KCND2: variants seen among roughly 807,000 people sequenced by gnomAD.
The protein encoded by KCND2 is A-type voltage-gated potassium channel KCND2.
KCND2 carries 16 observed loss-of-function variants against 54.4 expected under a neutral mutation model. That is an observed-to-expected ratio of 0.29 (90% CI 0.20 to 0.45). KCND2 has a LOEUF of 0.45. KCND2 is among the 20% of genes least tolerant of loss of function. The probability of loss-of-function intolerance (pLI) is 1.00; values close to 1 mark genes in which losing one functional copy is unlikely to be tolerated. For missense variants in KCND2, 486 were observed against 824.2 expected, an observed-to-expected ratio of 0.59 and a Z score of 5.02; for synonymous variants, 317 against 310.7, an observed-to-expected ratio of 1.02 and a Z score of -0.21.
rs900726562 is a variant in KCND2, at chr7:120,519,718, T to A, written c.1116-213185T>A. ...TCCCCAATTCTCTTTCATATGAAAG[T>A]GTTATTTCATTAATATAGCCACCAT... On this transcript the variant is annotated intron_variant, in intron 1 of 5. Transcript: ENST00000331113. Among the ~76,000 whole-genome samples the A allele has an allele frequency of 3.3e-5, 5 of 152,290 alleles. No homozygotes were observed. The East Asian group carries it at 9.7e-4, about 29-fold the overall frequency.
intron 1 of KCND2, among the ~76,000 whole-genome samples, chr7:120,584,407 C>T (rs1792564317): frequency 6.6e-6 from 1 of 152,174 alleles, no homozygotes; most frequent in Non-Finnish European, 1.5e-5. Context: ...TCTTAGGTGA[C>T]TCATGTTGTA....
At chr7:120,429,361 G>C (rs1801759235) in intron 1 of KCND2, among the ~76,000 whole-genome samples, 1 of 152,154 alleles carries the variant, frequency 6.6e-6, no homozygotes, top group African/African-American at 2.4e-5. Flanking sequence ...CAATGCCCTT[G>C]ATAAAGAAGT....
chr7:120,448,626 G>A (rs896369426), intron 1 of KCND2, among the ~76,000 whole-genome samples: 11 of 151,524 alleles, frequency 7.3e-5, no homozygotes, highest in Non-Finnish European at 1.0e-4. Flanking sequence ...AAAAAAAAAA[G>A]AGAATTTTAG....
chr7:120,604,253 G>A (rs937269590), intron 1 of KCND2, among the ~76,000 whole-genome samples: 4 of 150,580 alleles, frequency 2.7e-5, no homozygotes, highest in African/African-American at 9.8e-5. Flanking sequence ...TGTAATCCTA[G>A]CACTTTGGGA....
chr7:120,666,495 A>G (rs757139849), intron 1 of KCND2, among the ~76,000 whole-genome samples: 2 of 151,968 alleles, frequency 1.3e-5, no homozygotes, highest in East Asian at 1.9e-4. Flanking sequence ...AATGTAAATG[A>G]TACTTTAGGC....
chr7:120,732,429 GA>G (rs1467594980), intron 1 of KCND2, among the ~76,000 whole-genome samples: 3 of 152,148 alleles, frequency 2.0e-5, no homozygotes, highest in Non-Finnish European at 4.4e-5. Context: ...TGGGGACCTT[GA>G]AAAGTTTATT....
chr7:120,748,066 AT>A lies in KCND2; in HGVS notation c.*210del. On this transcript the variant is annotated 3_prime_UTR_variant, in exon 6 of 6. Transcript: ENST00000331113. ...AGTTTGACCTGTTATACAGAGTAAT[AT>A]TCTGTGGCCCTTTGACTTTGTGAAT... is the stretch of plus-strand genomic sequence containing the variant. 1 of 490,144 alleles carries A rather than the reference AT, an allele frequency of 2.0e-6. No homozygotes were observed. The highest frequency in any genetic ancestry group is 3.7e-6 in the Non-Finnish European group (1 of 273,576). The allele number at this position is 490,144 out of a possible 1,614,324, so 30.4% of individuals were successfully genotyped here.
At chr7:120,434,105 C>T (rs1361858833) in intron 1 of KCND2, among the ~76,000 whole-genome samples, 3 of 152,094 alleles carry the variant, frequency 2.0e-5, no homozygotes, top group African/African-American at 7.2e-5. Context: ...CTCAATGAGC[C>T]AAATCCAAAC....
intron 1 of KCND2, among the ~76,000 whole-genome samples, chr7:120,658,886 T>C (rs757365308): frequency 6.6e-6 from 1 of 152,212 alleles, no homozygotes; most frequent in Non-Finnish European, 1.5e-5. Flanking sequence ...CACTGTGGGA[T>C]TGGTCTATAC....
chr7:120,306,451 A>T (rs1292722566), intron 1 of KCND2, among the ~76,000 whole-genome samples: 2 of 152,092 alleles, frequency 1.3e-5, no homozygotes, highest in African/African-American at 4.8e-5. Context: ...AAAATAGACA[A>T]AACAGCAAAG....
At chr7:120,523,046 G>C (rs574065587) in intron 1 of KCND2, among the ~76,000 whole-genome samples, 1 of 152,258 alleles carries the variant, frequency 6.6e-6, no homozygotes, top group Non-Finnish European at 1.5e-5. Context: ...GAACGATACA[G>C]ATGAGGTGGG....
Position 120,570,415 on chromosome 7 carries a change from T to TTA in KCND2, c.1116-162487_1116-162486dup, listed in dbSNP as rs1305093646. ...TTTTACCTCCTACATCTATAAAAAG[T>TTA]TAAAAAAAAAAAAAACAGCTTGTGA... On this transcript the variant is annotated intron_variant, in intron 1 of 5. Transcript: ENST00000331113. 1.8e-4 allele frequency among the ~76,000 whole-genome samples: 27 copies of TTA among 148,526 alleles called. 1 individual carries two copies. Among genetic ancestry groups the TTA allele is most frequent in the African/African-American group, 6.7e-4 (27 of 40,036 alleles).
chr7:120,519,328 C>A (rs1803246883), intron 1 of KCND2, among the ~76,000 whole-genome samples: 1 of 152,078 alleles, frequency 6.6e-6, no homozygotes, highest in Admixed American at 6.6e-5. Flanking sequence ...GCCTGGATGA[C>A]TGAGTGAGAC....
intron 1 of KCND2, among the ~76,000 whole-genome samples, chr7:120,523,994 G>C (rs112300615): frequency 6.6e-6 from 1 of 151,940 alleles, no homozygotes; most frequent in Non-Finnish European, 1.5e-5. Context: ...CCAGCACTTT[G>C]GGAGGCCAAG....
At chr7:120,308,924 A>G (rs1440395441) in intron 1 of KCND2, among the ~76,000 whole-genome samples, 3 of 152,296 alleles carry the variant, frequency 2.0e-5, no homozygotes, top group East Asian at 1.9e-4. Flanking sequence ...TGAATTTTGA[A>G]CTGTACAAAC....
At chr7:120,662,808 G>C (rs983935805) in intron 1 of KCND2, among the ~76,000 whole-genome samples, 2 of 152,122 alleles carry the variant, frequency 1.3e-5, no homozygotes, top group African/African-American at 4.8e-5. Context: ...TCTGTGCCTG[G>C]TCCTGATTTC....
At chr7:120,423,021 A>G (rs1801649088) in intron 1 of KCND2, among the ~76,000 whole-genome samples, 1 of 152,190 alleles carries the variant, frequency 6.6e-6, no homozygotes. Context: ...CCTGCTGAAT[A>G]TGGGACTTCT....
In KCND2 at chr7:120,273,859, A is replaced by C. The variant is rs765565938; in HGVS notation, c.-774A>C. 102 of 152,746 alleles carry C rather than the reference A, an allele frequency of 6.7e-4. No homozygotes were observed. The highest frequency in any genetic ancestry group is 1.0e-3 in the Non-Finnish European group (71 of 68,148). 9.5% of individuals were successfully genotyped at this position (152,746 alleles called of 1,614,324 possible). On this transcript the variant is annotated 5_prime_UTR_variant, in exon 1 of 6. Transcript: ENST00000331113. ...CCAGCTCCTGAGCTCTGTAACTGTC[A>C]CACTGCACCTGAGCTGAACTTGAAA...
intron 1 of KCND2, among the ~76,000 whole-genome samples, chr7:120,433,488 A>G (rs753259880): frequency 6.6e-6 from 1 of 152,184 alleles, no homozygotes; most frequent in Non-Finnish European, 1.5e-5. Flanking sequence ...ATATGCTTCA[A>G]TCTACTGGTA....
Sources: allele counts gnomAD v4.1 joint callset (sites outside exome capture counted in the v4.1 genomes callset), GRCh38; gene constraint gnomAD v4.1.1; transcripts MANE v1.5; gene names NCBI Gene and HGNC (gene_info 2026-07-23, HGNC 2026-07-21).